BRD7: variants seen among roughly 807,000 people sequenced by gnomAD.
The protein encoded by BRD7 is bromodomain containing 7.
In BRD7, 15 loss-of-function variants were observed where a neutral mutation model predicts 82.1. The observed-to-expected ratio is 0.18, with a 90% confidence interval of 0.12 to 0.28. BRD7 has a LOEUF of 0.28. Among genes scored for constraint, BRD7 ranks in the 10% least tolerant of loss-of-function variants. The pLI, the probability that BRD7 is intolerant of heterozygous loss-of-function variation, is 1.00. For synonymous variants in BRD7, 232 were observed against 266.9 expected, an observed-to-expected ratio of 0.87 and a Z score of 1.27; for missense variants, 638 against 779.9, an observed-to-expected ratio of 0.82 and a Z score of 2.17.
intron 6 of BRD7, among the ~76,000 whole-genome samples, chr16:50,337,895 CAG>C (rs2037881629): frequency 6.6e-6 from 1 of 150,732 alleles, no homozygotes; most frequent in Non-Finnish European, 1.5e-5. Flanking sequence ...AGGAAGACAA[CAG>C]AGAGAAAGAA....
intron 8 of BRD7, among the ~76,000 whole-genome samples, chr16:50,332,174 G>A (rs907224614): frequency 6.6e-6 from 1 of 152,154 alleles, no homozygotes; most frequent in African/African-American, 2.4e-5. Context: ...AACAGCCAAA[G>A]AAACTATCAA....
At chr16:50,342,814 G>A (rs2038124372) in intron 5 of BRD7, among the ~76,000 whole-genome samples, 1 of 152,104 alleles carries the variant, frequency 6.6e-6, no homozygotes, top group Non-Finnish European at 1.5e-5. Context: ...GCACTACTGT[G>A]GTTATGTAAA....
chr16:50,344,286 C>G (rs6500307), intron 5 of BRD7, among the ~76,000 whole-genome samples: 150,691 of 152,300 alleles, frequency 0.99, 74,570 homozygotes, highest in Middle Eastern at 1. Flanking sequence ...ACCAAAGGTA[C>G]ATAAAACCAC....
intron 2 of BRD7, among the ~76,000 whole-genome samples, chr16:50,358,416 A>C (rs1240422213): frequency 6.8e-6 from 1 of 148,038 alleles, no homozygotes; most frequent in Non-Finnish European, 1.5e-5. Flanking sequence ...GCATGGCTTG[A>C]GCCCAGGAGG....
At chr16:50,323,786 CTCGGTTATACA>C in intron 11 of BRD7, 88 bp from the exon 12 acceptor site, 1 of 872,364 alleles carries the variant, frequency 1.1e-6, no homozygotes, top group Non-Finnish European at 1.9e-6. Flanking sequence ...ACTAGATGTC[CTCGGTTATACA>C]TCATGACATC....
rs1597018206 is a variant in BRD7, at chr16:50,320,583, T to A, written c.1612+80A>T. ...GATCTTCCTGTGGTGAATGGCTATG[T>A]TAATCTGTACTTATGAGACATGAAA... On this transcript the variant is annotated intron_variant, in intron 14 of 16. Transcript: ENST00000394688. The A allele has an allele frequency of 2.9e-6, 4 of 1,396,658 alleles. No individual in the cohort carries two copies. The East Asian group carries it at 9.1e-5, about 32-fold the overall frequency. The allele number at this position is 1,396,658 out of a possible 1,614,324, so 86.5% of individuals were successfully genotyped here. A position where few individuals can be genotyped will look rare whatever the true frequency, so the allele number is the denominator to read the frequency against.
chr16:50,323,498 CTTG>C, intron 12 of BRD7, 86 bp downstream of exon 12: 1 of 1,118,980 alleles, frequency 8.9e-7, no homozygotes, highest in Non-Finnish European at 1.3e-6. Context: ...AGCTGTCATA[CTTG>C]TTAATCCCAT....
rs2037974752 is a variant in BRD7, at chr16:50,339,871, G to T, written c.702+105C>A. ...TACTTTATTTAATATAATATAACCT[G>T]CTAATAAAATAAAATCAATACTGTA... On this transcript the variant is annotated intron_variant, in intron 6 of 16. Transcript: ENST00000394688. The T allele has an allele frequency of 1.3e-5, 6 of 466,950 alleles. 1 individual carries two copies. The highest frequency in any genetic ancestry group is 5.7e-5 in the South Asian group (1 of 17,674). The allele number at this position is 466,950 out of a possible 1,614,324, so 28.9% of individuals were successfully genotyped here.
At chr16:50,330,678 A>T (rs2151149613) in intron 8 of BRD7, among the ~76,000 whole-genome samples, 1 of 152,294 alleles carries the variant, frequency 6.6e-6, no homozygotes, top group Middle Eastern at 3.4e-3. Context: ...TATACGAAAG[A>T]GCTCTAATCA....
chr16:50,320,404 A>C lies in BRD7; in HGVS notation c.1613-13T>G. 1 of 1,611,612 alleles carries C rather than the reference A, an allele frequency of 6.2e-7. No individual in the cohort carries two copies. The highest frequency in any genetic ancestry group is 8.5e-7 in the Non-Finnish European group (1 of 1,178,906). ...AATATTTCAGCTTCTGTGTGGTAAG[A>C]AAACAGACACACTTCTGTTTGATCT... On this transcript the variant is annotated splice_polypyrimidine_tract_variant and intron_variant, in intron 14 of 16. Transcript: ENST00000394688.
chr16:50,349,970 T>C, intron 5 of BRD7, 53 bp downstream of exon 5: 2 of 1,404,932 alleles, frequency 1.4e-6, no homozygotes, highest in Non-Finnish European at 1.9e-6. Flanking sequence ...ATTCTGAATA[T>C]CAGACATGCA....
At position 50,368,930 on chromosome 16, in the gene BRD7, C is replaced by T. The variant is rs951089531; in HGVS notation, c.-156G>A. The stretch of plus-strand genomic sequence containing the variant: ...GCGCGCGCCGGGCGGCGCGATGCCC[C>T]TCTCGAGAAGACGGCGCGCGAGACC... On this transcript the variant is annotated 5_prime_UTR_variant, in exon 1 of 17. Coordinates refer to ENST00000394688, the MANE Select transcript of BRD7 (RefSeq NM_013263.5). The T allele has an allele frequency of 8.4e-6, 2 of 238,334 alleles. No individual in the cohort carries two copies. Among genetic ancestry groups the T allele is most frequent in the Non-Finnish European group, 1.3e-5 (2 of 149,724 alleles). 14.8% of individuals were successfully genotyped at this position (238,334 alleles called of 1,614,324 possible). A position where few individuals can be genotyped will look rare whatever the true frequency, so the allele number is the denominator to read the frequency against.
intron 11 of BRD7, 106 bp downstream of exon 11, chr16:50,325,642 A>G: frequency 9.5e-7 from 1 of 1,056,862 alleles, no homozygotes. Context: ...ATTACTGAGC[A>G]CATTTTTTTT....
chr16:50,323,563 TG>T (rs951279741), intron 12 of BRD7, 23 bp downstream of exon 12: 1 of 1,481,810 alleles, frequency 6.7e-7, no homozygotes, highest in African/African-American at 1.4e-5. Flanking sequence ...TAAATTACCC[TG>T]TTTTCATTAG....
chr16:50,332,419 T>C (rs1266658650), intron 8 of BRD7, among the ~76,000 whole-genome samples: 1 of 152,142 alleles, frequency 6.6e-6, no homozygotes, highest in African/African-American at 2.4e-5. Flanking sequence ...TCAGCATCAC[T>C]AATCATTGGA....
chr16:50,328,482 C>G (rs1464914883), intron 9 of BRD7, among the ~76,000 whole-genome samples, 187 bp downstream of exon 9: 2 of 152,072 alleles, frequency 1.3e-5, no homozygotes, highest in East Asian at 1.9e-4. Context: ...ATATACTGTA[C>G]CTATTTCAAG....
chr16:50,318,774 G>C lies in BRD7; in HGVS notation c.*437C>G, dbSNP rs2036938498. 6.4e-6 allele frequency: 1 copy of C among 155,066 alleles called. No homozygotes were observed. The highest frequency in any genetic ancestry group is 6.5e-5 in the Admixed American group (1 of 15,396). 9.6% of individuals were successfully genotyped at this position (155,066 alleles called of 1,614,324 possible). A position where few individuals can be genotyped will look rare whatever the true frequency, so the allele number is the denominator to read the frequency against. On this transcript the variant is annotated 3_prime_UTR_variant, in exon 17 of 17. Coordinates refer to ENST00000394688, the MANE Select transcript of BRD7 (RefSeq NM_013263.5). The stretch of plus-strand genomic sequence containing the variant: ...TAAAACTCCCAGTGTGCTTTTGTCA[G>C]GGGTGGGTGGGAGGTGCCTAATTAC...
intron 2 of BRD7, among the ~76,000 whole-genome samples, chr16:50,363,464 C>T (rs978526412): frequency 9.2e-5 from 14 of 152,190 alleles, no homozygotes; most frequent in African/African-American, 1.2e-4. Context: ...AACCAAAGCA[C>T]GTTGTACCCC....
chr16:50,353,065 T>C (rs1187968214), intron 4 of BRD7, among the ~76,000 whole-genome samples: 1 of 119,130 alleles, frequency 8.4e-6, no homozygotes, highest in Non-Finnish European at 1.8e-5. Flanking sequence ...GAGAGATCAG[T>C]AAGTTCTTTT....
Sources: allele counts gnomAD v4.1 joint callset (sites outside exome capture counted in the v4.1 genomes callset), GRCh38; gene constraint gnomAD v4.1.1; transcripts MANE v1.5; gene names NCBI Gene and HGNC (gene_info 2026-07-23, HGNC 2026-07-21).